Variants in GRPEL2 observed in about 807,000 individuals in gnomAD.
GRPEL2 encodes the protein GrpE like 2, mitochondrial.
A neutral mutation model predicts 25.9 loss-of-function variants in GRPEL2; 18 were observed. The observed-to-expected ratio is 0.70, with a 90% confidence interval of 0.48 to 1.03. The LOEUF (loss-of-function observed/expected upper bound fraction) is 1.03. Among genes scored for constraint, GRPEL2 ranks in the 50% least tolerant of loss-of-function variants. The pLI, the probability that GRPEL2 is intolerant of heterozygous loss-of-function variation, is 0.00. For missense variants in GRPEL2, 247 were observed against 276.2 expected (o/e 0.89, Z 0.75); for synonymous variants, 106 against 107.9 (o/e 0.98, Z 0.11).
chr5:149,345,722 A>G (rs905718696), intron 1 of GRPEL2, 106 bp downstream of exon 1: 3 of 921,528 alleles, frequency 3.3e-6, no homozygotes, highest in Non-Finnish European at 5.0e-6. Context: ...AGCGTAGGCC[A>G]GGGGACCAAG....
chr5:149,348,043 AG>A, intron 1 of GRPEL2: 1 of 413,088 alleles, frequency 2.4e-6, no homozygotes, highest in African/African-American at 2.0e-5. Flanking sequence ...TCTGTAAAAT[AG>A]GGATAATGAT....
At position 149,351,004 on chromosome 5, in the gene GRPEL2, G is replaced by A. The variant is rs1757764818; in HGVS notation, c.400G>A (p.Glu134Lys). ...TECISEESEP[E>K]DQKLTLEKVF... ...GTGCATTTCTGAAGAATCGGAGCCTGAGGACCAAAAGCTCACTCTGGAGAA... is the reference window on the plus strand; with the variant it reads ...GTGCATTTCTGAAGAATCGGAGCCTAAGGACCAAAAGCTCACTCTGGAGAA... Residue 134 changes from glutamate (E) to lysine (K), a missense_variant, in exon 4 of 4, where the codon GAG becomes AAG. Transcript: ENST00000329271. The A allele has an allele frequency of 1.5e-5, 24 of 1,614,134 alleles. No homozygotes were observed. The highest frequency in any genetic ancestry group is 2.0e-5 in the Non-Finnish European group (24 of 1,180,056).
chr5:149,350,086 C>A (rs1581358775), intron 3 of GRPEL2, among the ~76,000 whole-genome samples: 1 of 152,080 alleles, frequency 6.6e-6, no homozygotes, highest in Non-Finnish European at 1.5e-5. Flanking sequence ...AAGTCAAAGA[C>A]CTAGCCTGTT....
chr5:149,351,359 T>C lies in GRPEL2; in HGVS notation c.*77T>C. ...TTTTATTTATTAAACTAGGTTTGTATTGTACATGAGGTACTTCATGTGATA... is the reference window on the plus strand; with the variant it reads ...TTTTATTTATTAAACTAGGTTTGTACTGTACATGAGGTACTTCATGTGATA... On this transcript the variant is annotated 3_prime_UTR_variant, in exon 4 of 4. Coordinates refer to ENST00000329271, the MANE Select transcript of GRPEL2 (RefSeq NM_152407.4). The C allele has an allele frequency of 1.4e-6, 2 of 1,432,404 alleles. No homozygotes were observed. The highest frequency in any genetic ancestry group is 2.7e-5 in the South Asian group (2 of 74,004). 88.7% of individuals were successfully genotyped at this position (1,432,404 alleles called of 1,614,324 possible).
chr5:149,345,683 G>T, intron 1 of GRPEL2, 67 bp downstream of exon 1: 2 of 1,363,872 alleles, frequency 1.5e-6, no homozygotes, highest in Non-Finnish European at 2.0e-6. Flanking sequence ...AGCCGGGGTG[G>T]TTGTGGGCTG....
intron 2 of GRPEL2, 53 bp from the exon 3 acceptor site, chr5:149,349,601 C>G (rs1168783600): frequency 7.9e-7 from 1 of 1,262,820 alleles, no homozygotes; most frequent in Non-Finnish European, 1.1e-6. Flanking sequence ...ACATTCTCTT[C>G]CACCAATAAG....
At chr5:149,348,550 C>G (rs1220557651) in intron 2 of GRPEL2, 125 bp downstream of exon 2, 1 of 717,006 alleles carries the variant, frequency 1.4e-6, no homozygotes, top group Non-Finnish European at 2.2e-6. Flanking sequence ...ACCCCTCATC[C>G]CTCCTCCACT....
chr5:149,353,359 ACT>A lies in GRPEL2; in HGVS notation c.*2082_*2083del, dbSNP rs1195271792. 5.9e-5 allele frequency: 9 copies of A among 152,152 alleles called. No homozygotes were observed. Among genetic ancestry groups the A allele is most frequent in the African/African-American group, 9.7e-5 (4 of 41,406 alleles). 9.4% of individuals were successfully genotyped at this position (152,152 alleles called of 1,614,324 possible). A position where few individuals can be genotyped will look rare whatever the true frequency, so the allele number is the denominator to read the frequency against. ...ATAAGAAAATGAGCTGATTGTAATT[ACT>A]CTCTGTGTGTTTTTTTATTGCTAGC... is the stretch of plus-strand genomic sequence containing the variant. On this transcript the variant is annotated 3_prime_UTR_variant, in exon 4 of 4. Transcript: ENST00000329271.
rs1314799753 is a variant in GRPEL2 at position 149,353,567 on chromosome 5, G to A, written c.*2285G>A. 1 of 135,806 alleles carries A rather than the reference G, an allele frequency of 7.4e-6. No homozygotes were observed. Among genetic ancestry groups the A allele is most frequent in the Non-Finnish European group, 1.6e-5 (1 of 63,534 alleles). The allele number at this position is 135,806 out of a possible 1,614,324, so 8.4% of individuals were successfully genotyped here. A position where few individuals can be genotyped will look rare whatever the true frequency, so the allele number is the denominator to read the frequency against. On this transcript the variant is annotated 3_prime_UTR_variant, in exon 4 of 4. Transcript: ENST00000329271. Reference sequence around the variant, plus strand: ...CCATGACTGGCTAGTTTTGTTTTTTGGTTTTTGGTTTTTGGTTTTTGGTTT... The same window carrying A: ...CCATGACTGGCTAGTTTTGTTTTTTAGTTTTTGGTTTTTGGTTTTTGGTTT...
Position 149,351,110 on chromosome 5 carries a change from T to C in GRPEL2, c.506T>C (p.Ile169Thr), listed in dbSNP as rs1414128350. The change falls in exon 4 of 4, where the codon ATT becomes ACT. Residue 169 changes from isoleucine (I) to threonine (T), a missense_variant. Ile to Thr is a moderately conservative substitution (Grantham distance 89). This residue lies in a region of GRPEL2 where 122 missense variants were observed against 169.2 expected (regional missense o/e 0.72). Transcript: ENST00000329271. ...AKHGLEKLTPIGDKYDPHEHE... is the reference protein window; with the variant it reads ...AKHGLEKLTPTGDKYDPHEHE... ...CATGGCCTGGAGAAACTGACACCCA[T>C]TGGTGACAAATATGACCCCCATGAG... 3.1e-6 allele frequency: 5 copies of C among 1,614,094 alleles called. No homozygotes were observed. The highest frequency in any genetic ancestry group is 1.3e-5 in the African/African-American group (1 of 74,940).
At position 149,351,066 on chromosome 5, in the gene GRPEL2, G is replaced by C. The variant is rs1469858091; in HGVS notation, c.462G>C (p.Leu154=). The C allele has an allele frequency of 1.2e-6, 2 of 1,614,108 alleles. No individual in the cohort carries two copies. The highest frequency in any genetic ancestry group is 2.7e-5 in the African/African-American group (2 of 74,926). The change falls in exon 4 of 4, where the codon CTG becomes CTC. Residue 154 remains leucine, a synonymous_variant. Transcript: ENST00000329271. ...FRGLLLLEAK[L]KSVFAKHGLE... The stretch of plus-strand genomic sequence containing the variant: ...GGTTGTTGCTTTTAGAAGCAAAGCT[G>C]AAAAGTGTGTTTGCCAAGCATGGCC...
In GRPEL2 at chr5:149,350,949, G is replaced by A; in HGVS notation, c.345G>A (p.Glu115=). ...GIQSFCKDLV[E]VADILEKTTE... is the part of the protein sequence containing the mutation. ...AGAGTTTCTGTAAGGACTTGGTGGAGGTGGCTGACATTTTGGAGAAGACTA... is the reference window on the plus strand; with the variant it reads ...AGAGTTTCTGTAAGGACTTGGTGGAAGTGGCTGACATTTTGGAGAAGACTA... Residue 115 remains glutamate, a synonymous_variant, in exon 4 of 4, where the codon GAG becomes GAA. Coordinates refer to ENST00000329271, the MANE Select transcript of GRPEL2 (RefSeq NM_152407.4). 6.2e-7 allele frequency: 1 copy of A among 1,613,994 alleles called. No individual in the cohort carries two copies. The highest frequency in any genetic ancestry group is 8.5e-7 in the Non-Finnish European group (1 of 1,179,844).
At chr5:149,346,078 C>G (rs1357016701) in intron 1 of GRPEL2, among the ~76,000 whole-genome samples, 2 of 152,238 alleles carry the variant, frequency 1.3e-5, no homozygotes. Flanking sequence ...CTTCGGAAGA[C>G]AAGTTCCATC....
chr5:149,347,172 G>A (rs934126872), intron 1 of GRPEL2, among the ~76,000 whole-genome samples: 1 of 152,100 alleles, frequency 6.6e-6, no homozygotes, highest in Admixed American at 6.6e-5. Context: ...ATCACACACC[G>A]GATTATAATA....
intron 1 of GRPEL2, among the ~76,000 whole-genome samples, chr5:149,347,743 G>T (rs1192721966): frequency 6.6e-6 from 1 of 152,198 alleles, no homozygotes; most frequent in Non-Finnish European, 1.5e-5. Flanking sequence ...TACAGGTTGT[G>T]GTGAGGAAGG....
Position 149,349,697 on chromosome 5 carries a change from G to A in GRPEL2, c.275G>A (p.Arg92Lys). The A allele has an allele frequency of 8.1e-6, 13 of 1,613,646 alleles. No individual in the cohort carries two copies. Among genetic ancestry groups the A allele is most frequent in the Non-Finnish European group, 1.0e-5 (12 of 1,179,614 alleles). Residue 92 changes from arginine to lysine, a missense_variant, in exon 3 of 4, where the codon AGG (arginine) becomes AAG (lysine). Physicochemically the swap from Arg to Lys is conservative, Grantham distance 26. Around this residue, in one of 2 missense-constraint regions of GRPEL2, gnomAD observed 122 missense variants for 169.2 expected, o/e 0.72. Transcript: ENST00000329271. ...RAIADCENIR[R>K]RTQRCVEDAK... ...ATAGCTGATTGTGAAAACATAAGGA[G>A]GCGAACCCAGAGATGTGTGGAAGAC...
chr5:149,353,939 ATAAT>A lies in GRPEL2; in HGVS notation c.*2659_*2662del, dbSNP rs1325209828. 3.9e-5 allele frequency: 6 copies of A among 152,224 alleles called. No individual in the cohort carries two copies. Among genetic ancestry groups the A allele is most frequent in the Non-Finnish European group, 5.9e-5 (4 of 68,040 alleles). 9.4% of individuals were successfully genotyped at this position (152,224 alleles called of 1,614,324 possible). ...TTTCTTTATTCGTAAAATGATTATAATAATTCTTTCACAGCGTTGTGAGGATTAA... is the reference window on the plus strand; with the variant it reads ...TTTCTTTATTCGTAAAATGATTATAATCTTTCACAGCGTTGTGAGGATTAA... On this transcript the variant is annotated 3_prime_UTR_variant, in exon 4 of 4. Transcript: ENST00000329271.
At chr5:149,349,158 G>A (rs1757736612) in intron 2 of GRPEL2, among the ~76,000 whole-genome samples, 1 of 152,220 alleles carries the variant, frequency 6.6e-6, no homozygotes, top group South Asian at 2.1e-4. Flanking sequence ...ACCATGCCAG[G>A]CTGATTTTTG....
chr5:149,347,758 G>C (rs1757711140), intron 1 of GRPEL2, among the ~76,000 whole-genome samples: 1 of 152,058 alleles, frequency 6.6e-6, no homozygotes, highest in African/African-American at 2.4e-5. Context: ...GGAAGGCTTA[G>C]AATTCTAAGC....
Sources: allele counts gnomAD v4.1 joint callset (sites outside exome capture counted in the v4.1 genomes callset), GRCh38; gene constraint gnomAD v4.1.1; regional missense constraint gnomAD v4.1.1; transcripts MANE v1.5; gene names NCBI Gene and HGNC (gene_info 2026-07-23, HGNC 2026-07-21).